NR6A1: variants seen among roughly 807,000 people sequenced by gnomAD.
The protein encoded by NR6A1 is nuclear receptor subfamily 6 group A member 1, also known as retinoic acid receptor-related testis-associated receptor.
In NR6A1, 7 loss-of-function variants were observed where a neutral mutation model predicts 59.1. The observed-to-expected ratio is 0.12, with a 90% CI of 0.07 to 0.22. The LOEUF is 0.22. NR6A1 is among the 10% of genes least tolerant of loss of function. NR6A1 has a pLI of 1.00. For synonymous variants in NR6A1, 243 were observed against 236.1 expected, an observed-to-expected ratio of 1.03 and a Z score of -0.27; for missense variants, 468 against 611.6, an observed-to-expected ratio of 0.77 and a Z score of 2.48.
At chr9:124,643,735 AGAGTGAGATCCCAT>A (rs1267858742) in intron 2 of NR6A1, among the ~76,000 whole-genome samples, 1 of 150,096 alleles carries the variant, frequency 6.7e-6, no homozygotes, top group Non-Finnish European at 1.5e-5. Context: ...GCCTGGGCAA[AGAGTGAGATCCCAT>A]CTCAAAAAAA....
intron 1 of NR6A1, among the ~76,000 whole-genome samples, chr9:124,751,334 T>C (rs1840492625): frequency 6.6e-6 from 1 of 152,184 alleles, no homozygotes; most frequent in Non-Finnish European, 1.5e-5. Flanking sequence ...GTTCAACATA[T>C]CCTCTAAGAA....
intron 2 of NR6A1, among the ~76,000 whole-genome samples, chr9:124,571,281 G>A (rs1834429896): frequency 1.3e-5 from 2 of 152,186 alleles, no homozygotes; most frequent in African/African-American, 4.8e-5. Flanking sequence ...AGTGGGAGAT[G>A]AGGAGAGCCA....
At chr9:124,548,128 G>A in intron 3 of NR6A1, among the ~76,000 whole-genome samples, 1 of 124,736 alleles carries the variant, frequency 8.0e-6, no homozygotes, top group South Asian at 3.1e-4. Flanking sequence ...GAGAGAGACA[G>A]AAAGAAGAGC....
chr9:124,681,887 G>A (rs1429171678), intron 2 of NR6A1, among the ~76,000 whole-genome samples: 1 of 152,192 alleles, frequency 6.6e-6, no homozygotes, highest in African/African-American at 2.4e-5. Flanking sequence ...CATGAAAAAT[G>A]CAAGATAGAC....
chr9:124,642,563 A>G (rs1254261288), intron 2 of NR6A1, among the ~76,000 whole-genome samples: 1 of 152,212 alleles, frequency 6.6e-6, no homozygotes, highest in East Asian at 1.9e-4. Flanking sequence ...CTAGACACCA[A>G]TAACAATTCT....
intron 1 of NR6A1, among the ~76,000 whole-genome samples, chr9:124,743,677 T>C (rs963899216): frequency 2.0e-5 from 3 of 152,344 alleles, no homozygotes; most frequent in African/African-American, 4.8e-5. Context: ...CATTTCAATT[T>C]TAAAACATTT....
At chr9:124,608,191 TGTTA>T (rs1835628674) in intron 2 of NR6A1, among the ~76,000 whole-genome samples, 1 of 152,250 alleles carries the variant, frequency 6.6e-6, no homozygotes, top group African/African-American at 2.4e-5. Context: ...TGTGCAGGTT[TGTTA>T]CACAGGTAAA....
In NR6A1 at chr9:124,585,501, G is replaced by A. The variant is rs1440496222; in HGVS notation, c.143-30931C>T. ...AAAGCTTGCAGTGAGCCGAGATCAC[G>A]CCACTGCACTCCAGCCTGGGTGACA... On this transcript the variant is annotated intron_variant, in intron 2 of 9. Coordinates refer to ENST00000487099, the MANE Select transcript of NR6A1 (RefSeq NM_033334.4). Among the ~76,000 whole-genome samples the A allele has an allele frequency of 6.4e-5, 8 of 125,368 alleles. 1 individual carries two copies. Among genetic ancestry groups the A allele is most frequent in the South Asian group, 5.4e-4 (2 of 3,714 alleles). 82.2% of individuals were successfully genotyped at this position (125,368 alleles called of 152,430 possible).
intron 2 of NR6A1, among the ~76,000 whole-genome samples, chr9:124,580,823 A>AAT (rs1834742940): frequency 6.6e-6 from 1 of 151,542 alleles, no homozygotes; most frequent in South Asian, 2.1e-4. Flanking sequence ...CCAACTCAAA[A>AAT]AATAATAATA....
chr9:124,662,543 CTAT>C (rs1837474903), intron 2 of NR6A1, among the ~76,000 whole-genome samples: 1 of 152,068 alleles, frequency 6.6e-6, no homozygotes, highest in Non-Finnish European at 1.5e-5. Flanking sequence ...AAAAGAGTAG[CTAT>C]TATTATTACA....
intron 1 of NR6A1, among the ~76,000 whole-genome samples, chr9:124,733,885 C>T (rs1588839259): frequency 2.0e-5 from 3 of 152,150 alleles, no homozygotes; most frequent in Admixed American, 1.3e-4. Flanking sequence ...AATAAGTATG[C>T]TATTCAGGTT....
intron 1 of NR6A1, among the ~76,000 whole-genome samples, chr9:124,752,483 TA>T (rs1179924618): frequency 6.6e-6 from 1 of 152,130 alleles, no homozygotes; most frequent in Non-Finnish European, 1.5e-5. Context: ...TAATTAAACA[TA>T]ATTATTAATA....
intron 2 of NR6A1, among the ~76,000 whole-genome samples, chr9:124,667,436 A>G (rs901291711): frequency 6.6e-6 from 1 of 152,180 alleles, no homozygotes; most frequent in East Asian, 1.9e-4. Context: ...AATACGTGCT[A>G]CAGGTGTTAA....
chr9:124,590,636 G>A (rs1835090484), intron 2 of NR6A1, among the ~76,000 whole-genome samples: 1 of 152,166 alleles, frequency 6.6e-6, no homozygotes, highest in Non-Finnish European at 1.5e-5. Flanking sequence ...TATATACAGA[G>A]ATTAGAATAA....
rs1298976386 is a variant in NR6A1, at chr9:124,526,280, ATGTGTGTATGTGTGTGTGTGTG to A, written c.1201+477_1201+498del. ...TTAAAAGCCATGCTTGATTGTGTGT[ATGTGTGTATGTGTGTGTGTGTG>A]TGTGTGTGTGTGTGTTTGTGCACCC... On this transcript the variant is annotated intron_variant, in intron 8 of 9. Transcript: ENST00000487099. Among the ~76,000 whole-genome samples the A allele has an allele frequency of 2.8e-5, 4 of 144,826 alleles. No homozygotes were observed. The East Asian group carries it at 8.4e-4, about 30-fold the overall frequency.
At chr9:124,611,609 C>A (rs1835744475) in intron 2 of NR6A1, among the ~76,000 whole-genome samples, 1 of 151,928 alleles carries the variant, frequency 6.6e-6, no homozygotes, top group South Asian at 2.1e-4. Flanking sequence ...ATCAGCTGGG[C>A]ATGGTGGCAC....
chr9:124,539,033 C>T (rs1364580737), intron 5 of NR6A1, among the ~76,000 whole-genome samples: 6 of 151,694 alleles, frequency 4.0e-5, no homozygotes, highest in African/African-American at 1.5e-4. Flanking sequence ...CATAGCAAGA[C>T]TCCATCTCTT....
intron 2 of NR6A1, among the ~76,000 whole-genome samples, chr9:124,577,676 T>C (rs986843260): frequency 1.3e-5 from 2 of 152,236 alleles, no homozygotes; most frequent in Admixed American, 6.5e-5. Flanking sequence ...AAATGACCTA[T>C]GTATCTGTAA....
At chr9:124,621,936 G>A (rs1040583532) in intron 2 of NR6A1, among the ~76,000 whole-genome samples, 3 of 152,116 alleles carry the variant, frequency 2.0e-5, no homozygotes, top group African/African-American at 7.2e-5. Flanking sequence ...AATAACAGCC[G>A]AGCATGGTGG....
Sources: gnomAD v4.1 joint callset for allele counts (sites outside exome capture counted in the v4.1 genomes callset) on GRCh38, gnomAD v4.1.1 for gene constraint, MANE v1.5 for transcripts, NCBI Gene and HGNC (gene_info 2026-07-23, HGNC 2026-07-21) for gene names.